Variants in BTG3 observed in about 807,000 individuals in gnomAD.
BTG3 encodes the protein BTG anti-proliferation factor 3.
Under a neutral mutation model 25.8 loss-of-function variants are expected in BTG3, and 4 were observed. The observed-to-expected ratio is 0.16, with a 90% CI of 0.08 to 0.36. The LOEUF (loss-of-function observed/expected upper bound fraction) is 0.36, where lower values mean the gene tolerates loss of function less well. Ranked by LOEUF, BTG3 falls within the 10% of genes least tolerant of loss-of-function variation. The pLI is 1.00. For synonymous variants in BTG3, 107 were observed against 99.9 expected (o/e 1.07, Z -0.42); for missense variants, 201 against 304.9 (o/e 0.66, Z 2.54).
At chr21:17,602,078 T>C (rs1056779446) in intron 3 of BTG3, among the ~76,000 whole-genome samples, 1 of 151,722 alleles carries the variant, frequency 6.6e-6, no homozygotes, top group Admixed American at 6.6e-5. Flanking sequence ...TGATAAAACA[T>C]CAAGGCTAAT....
At chr21:17,609,229 C>G in intron 1 of BTG3, 77 bp from the exon 2 acceptor site, 1 of 1,348,564 alleles carries the variant, frequency 7.4e-7, no homozygotes, top group East Asian at 2.3e-5. Flanking sequence ...AGATATACCT[C>G]CTTTACAGCT....
intron 3 of BTG3, among the ~76,000 whole-genome samples, chr21:17,603,333 GCTCCTTTT>G (rs1308184918): frequency 6.6e-6 from 1 of 152,116 alleles, no homozygotes; most frequent in Non-Finnish European, 1.5e-5. Flanking sequence ...GAGATAGCTT[GCTCCTTTT>G]CTACCCGAGA....
chr21:17,602,561 C>T (rs902920885), intron 3 of BTG3, among the ~76,000 whole-genome samples: 1 of 152,096 alleles, frequency 6.6e-6, no homozygotes, highest in African/African-American at 2.4e-5. Flanking sequence ...ACGATTAATA[C>T]GTCTTTCTTT....
In BTG3 at chr21:17,612,768, G is replaced by C. The variant is rs1180605930; in HGVS notation, c.-78C>G. The C allele has an allele frequency of 6.6e-6, 1 of 152,240 alleles. No homozygotes were observed. The highest frequency in any genetic ancestry group is 1.5e-5 in the Non-Finnish European group (1 of 68,098). The allele number at this position is 152,240 out of a possible 1,614,324, so 9.4% of individuals were successfully genotyped here. On this transcript the variant is annotated 5_prime_UTR_variant, in exon 1 of 5. Coordinates refer to ENST00000348354, the MANE Select transcript of BTG3 (RefSeq NM_006806.5). ...GACCGTGTCCTGGCCGGGAACTGAG[G>C]GCTCCGCCTCAACGGGCCCGCGCTG...
chr21:17,595,293 A>C (rs2061490110), intron 4 of BTG3, among the ~76,000 whole-genome samples: 2 of 152,194 alleles, frequency 1.3e-5, no homozygotes, highest in Admixed American at 1.3e-4. Flanking sequence ...TGCATTTCTA[A>C]GTATAGGATT....
rs867242330 is a variant in BTG3 at position 17,593,828 on chromosome 21, T to C, written c.*265A>G. 1 of 403,478 alleles carries C rather than the reference T, an allele frequency of 2.5e-6. No individual in the cohort carries two copies. The highest frequency in any genetic ancestry group is 4.0e-5 in the South Asian group (1 of 25,134). The allele number at this position is 403,478 out of a possible 1,614,324, so 25.0% of individuals were successfully genotyped here. On this transcript the variant is annotated 3_prime_UTR_variant, in exon 5 of 5. Coordinates refer to ENST00000348354, the MANE Select transcript of BTG3 (RefSeq NM_006806.5). ...TACAGTGTTCTCGTATCCAACAGAG[T>C]TGATGCACAATATATAAATACTCAA... is the stretch of plus-strand genomic sequence containing the variant.
intron 1 of BTG3, 38 bp from the exon 2 acceptor site, chr21:17,609,190 T>C: frequency 6.3e-7 from 1 of 1,579,790 alleles, no homozygotes; most frequent in East Asian, 2.2e-5. Context: ...AAAAACAAAA[T>C]ATAAAAACTG....
chr21:17,601,160 C>G (rs1483644961), intron 3 of BTG3, among the ~76,000 whole-genome samples: 5 of 146,908 alleles, frequency 3.4e-5, no homozygotes, highest in Admixed American at 3.4e-4. Flanking sequence ...GAGACTCCGT[C>G]TCAAAAAAAA....
chr21:17,605,658 C>A (rs959041124), intron 2 of BTG3, among the ~76,000 whole-genome samples: 2 of 152,090 alleles, frequency 1.3e-5, no homozygotes, highest in Non-Finnish European at 2.9e-5. Context: ...AATTTCTAAA[C>A]CAATAAAGCC....
rs762011087 is a variant in BTG3, at chr21:17,594,235, G to A, written c.617C>T (p.Pro206Leu). 6.2e-7 allele frequency: 1 copy of A among 1,613,332 alleles called. No individual in the cohort carries two copies. The highest frequency in any genetic ancestry group is 8.5e-7 in the Non-Finnish European group (1 of 1,179,428). Residue 206 changes from proline to leucine, a missense_variant, in exon 5 of 5, where the codon CCT becomes CTT. This residue lies in a region of BTG3 where 131 missense variants were observed against 129.3 expected (regional missense o/e 1.01). Transcript: ENST00000348354. The part of the protein sequence containing the change: ...YRGNGHQNHY[P>L]PPVPFGYPNQ... ...TGGATAACCAAATGGAACAGGAGGAGGATAGTGATTCTGATGGCCATTCCC... is the reference window on the plus strand; with the variant it reads ...TGGATAACCAAATGGAACAGGAGGAAGATAGTGATTCTGATGGCCATTCCC...
At chr21:17,606,816 G>A (rs138413227) in intron 2 of BTG3, among the ~76,000 whole-genome samples, 1 of 152,218 alleles carries the variant, frequency 6.6e-6, no homozygotes, top group African/African-American at 2.4e-5. Flanking sequence ...ATTACAAAGT[G>A]TAAGAGACAT....
Position 17,598,865 on chromosome 21 carries a change from T to A in BTG3, c.312-41A>T, listed in dbSNP as rs375478418. On this transcript the variant is annotated intron_variant, in intron 3 of 4. Transcript: ENST00000348354. ...AAAACTTACAAATCTTGAAGTCACA[T>A]CAGCAAAGCAAAAAATGTCCATAAA... The A allele has an allele frequency of 5.9e-5, 90 of 1,515,146 alleles. No homozygotes were observed. In the African/African-American group the frequency reaches 1.1e-3, roughly 18 times the overall value. 93.9% of individuals were successfully genotyped at this position (1,515,146 alleles called of 1,614,324 possible). A position where few individuals can be genotyped will look rare whatever the true frequency, so the allele number is the denominator to read the frequency against.
At chr21:17,609,207 T>C (rs1231535064) in intron 1 of BTG3, 55 bp from the exon 2 acceptor site, 1 of 1,539,444 alleles carries the variant, frequency 6.5e-7, no homozygotes, top group Non-Finnish European at 8.8e-7. Flanking sequence ...ACTGGGAAGA[T>C]GAAGCTCTGT....
rs2061469362 is a variant in BTG3, at chr21:17,593,976, T to C, written c.*117A>G. On this transcript the variant is annotated 3_prime_UTR_variant, in exon 5 of 5. Transcript: ENST00000348354. Reference sequence around the variant, plus strand: ...CTCAATAACTTCTATAAAAATAAGTTTGATGGTTTGGCCCATCTAACTTCA... The same window carrying C: ...CTCAATAACTTCTATAAAAATAAGTCTGATGGTTTGGCCCATCTAACTTCA... 1.7e-6 allele frequency: 2 copies of C among 1,200,440 alleles called. No homozygotes were observed. Among genetic ancestry groups the C allele is most frequent in the Non-Finnish European group, 1.1e-6 (1 of 881,896 alleles). 74.4% of individuals were successfully genotyped at this position (1,200,440 alleles called of 1,614,324 possible).
Position 17,604,891 on chromosome 21 carries a change from G to C in BTG3, c.280C>G (p.Leu94Val), listed in dbSNP as rs2061619900. ...SDLGLPKELT[L>V]WVDPCEVCCR... Reference sequence around the variant, plus strand: ...CACACCTCACATGGGTCCACCCAGAGAGTGAGCTCCTTTGGCAAGCCCAGG... The same window carrying C: ...CACACCTCACATGGGTCCACCCAGACAGTGAGCTCCTTTGGCAAGCCCAGG... Residue 94 changes from leucine to valine, a missense_variant, in exon 3 of 5, where the codon CTC becomes GTC. Physicochemically the swap from Leu to Val is conservative, Grantham distance 32. This residue lies in a region of BTG3 where 70 missense variants were observed against 175.7 expected (regional missense o/e 0.40). Transcript: ENST00000348354. The C allele has an allele frequency of 6.2e-7, 1 of 1,614,180 alleles. No individual in the cohort carries two copies. Among genetic ancestry groups the C allele is most frequent in the Non-Finnish European group, 8.5e-7 (1 of 1,180,024 alleles).
In BTG3 at chr21:17,596,054, T is replaced by C. The variant is rs1042971208; in HGVS notation, c.520-1722A>G. 2.6e-5 allele frequency among the ~76,000 whole-genome samples: 4 copies of C among 152,164 alleles called. No homozygotes were observed. The East Asian group carries it at 7.7e-4, about 29-fold the overall frequency. On this transcript the variant is annotated intron_variant, in intron 4 of 4. Coordinates refer to ENST00000348354, the MANE Select transcript of BTG3 (RefSeq NM_006806.5). The stretch of plus-strand genomic sequence containing the variant: ...CATTCACATAACTCCTTTTGTAAAG[T>C]GTTTATTCACATCTTTTGCTCCTCC...
intron 2 of BTG3, among the ~76,000 whole-genome samples, chr21:17,607,923 T>C (rs1384647595): frequency 2.6e-5 from 4 of 152,230 alleles, no homozygotes; most frequent in Non-Finnish European, 5.9e-5. Context: ...TGCTCTTCTT[T>C]ACTTTAAGCT....
chr21:17,595,390 CT>C (rs994762989), intron 4 of BTG3, among the ~76,000 whole-genome samples: 3 of 151,950 alleles, frequency 2.0e-5, no homozygotes, highest in Non-Finnish European at 4.4e-5. Flanking sequence ...GAAAGTCCCT[CT>C]TTTTTTATCT....
intron 3 of BTG3, chr21:17,599,052 C>G: frequency 2.6e-6 from 1 of 388,706 alleles, no homozygotes; most frequent in East Asian, 3.8e-5. Flanking sequence ...ACCCCATTTT[C>G]TTTCCCTTAT....
Sources: allele counts gnomAD v4.1 joint callset (sites outside exome capture counted in the v4.1 genomes callset), GRCh38; gene constraint gnomAD v4.1.1; regional missense constraint gnomAD v4.1.1; transcripts MANE v1.5; gene names NCBI Gene and HGNC (gene_info 2026-07-23, HGNC 2026-07-21).